DCTN4: variants seen among roughly 807,000 people sequenced by gnomAD.
DCTN4 encodes the protein dynactin subunit 4, also known as dynactin 4 (p62).
Under a neutral mutation model 62.7 loss-of-function variants are expected in DCTN4, and 23 were observed. That is an observed-to-expected ratio of 0.37 (90% CI 0.26 to 0.52). The LOEUF is 0.52. Ranked by LOEUF, DCTN4 falls within the 20% of genes least tolerant of loss-of-function variation. The probability of loss-of-function intolerance (pLI) is 0.92; values close to 1 mark genes in which losing one functional copy is unlikely to be tolerated. For missense variants in DCTN4, 514 were observed against 580.4 expected (o/e 0.89, Z 1.18); for synonymous variants, 199 against 202.1 (o/e 0.98, Z 0.13).
intron 2 of DCTN4, among the ~76,000 whole-genome samples, chr5:150,754,365 A>G (rs779805405): frequency 4.6e-5 from 7 of 152,232 alleles, no homozygotes; most frequent in Non-Finnish European, 1.0e-4. Context: ...GAAGATAATA[A>G]TAGTACTCAC....
Position 150,732,294 on chromosome 5 carries a change from C to T in DCTN4, c.538-805G>A, listed in dbSNP as rs373992371. 1.1e-4 allele frequency among the ~76,000 whole-genome samples: 16 copies of T among 152,254 alleles called. No individual in the cohort carries two copies. In the East Asian group the frequency reaches 2.1e-3, roughly 20 times the overall value. Reference sequence around the variant, plus strand: ...CCTCCCAAGTAGCTGAGATTATAGGCGTGCGCCACCATGCCCAGCTAATTT... The same window carrying T: ...CCTCCCAAGTAGCTGAGATTATAGGTGTGCGCCACCATGCCCAGCTAATTT... On this transcript the variant is annotated intron_variant, in intron 5 of 12. Coordinates refer to ENST00000447998, the MANE Select transcript of DCTN4 (RefSeq NM_016221.4).
chr5:150,728,658 A>T (rs1760242514), intron 8 of DCTN4, among the ~76,000 whole-genome samples: 1 of 152,172 alleles, frequency 6.6e-6, no homozygotes, highest in South Asian at 2.1e-4. Context: ...TTTTAAAAAA[A>T]TTAGTGTTTG....
At chr5:150,730,992 A>G in intron 7 of DCTN4, 52 bp downstream of exon 7, 2 of 1,147,638 alleles carry the variant, frequency 1.7e-6, no homozygotes, top group East Asian at 2.3e-5. Flanking sequence ...TAAATAACAA[A>G]AACAGAATTA....
chr5:150,717,310 C>T (rs1232416986), intron 11 of DCTN4, among the ~76,000 whole-genome samples: 2 of 152,152 alleles, frequency 1.3e-5, no homozygotes, highest in Non-Finnish European at 2.9e-5. Context: ...AGTGCAGTGG[C>T]GCGATCTCAG....
chr5:150,718,259 A>G lies in DCTN4; in HGVS notation c.1071+17T>C, dbSNP rs1422406753. ...GGGAAAGTGCGGGTCAGTCAGGCTGAGGCAAAATGCTCCTACCTTAGCAGT... is the reference window on the plus strand; with the variant it reads ...GGGAAAGTGCGGGTCAGTCAGGCTGGGGCAAAATGCTCCTACCTTAGCAGT... On this transcript the variant is annotated intron_variant, in intron 11 of 12. Coordinates refer to ENST00000447998, the MANE Select transcript of DCTN4 (RefSeq NM_016221.4). The G allele has an allele frequency of 6.3e-7, 1 of 1,588,786 alleles. No homozygotes were observed. Among genetic ancestry groups the G allele is most frequent in the Non-Finnish European group, 8.6e-7 (1 of 1,158,670 alleles).
intron 5 of DCTN4, among the ~76,000 whole-genome samples, 153 bp downstream of exon 5, chr5:150,733,215 A>G (rs1290073664): frequency 6.6e-6 from 1 of 152,232 alleles, no homozygotes; most frequent in African/African-American, 2.4e-5. Context: ...ATATAGCAAA[A>G]GCCTAACTAT....
intron 11 of DCTN4, among the ~76,000 whole-genome samples, chr5:150,717,372 C>T (rs1440577074): frequency 6.6e-6 from 1 of 152,182 alleles, no homozygotes; most frequent in African/African-American, 2.4e-5. Context: ...ATCTCAGCCT[C>T]CCCAGTAGCT....
intron 3 of DCTN4, among the ~76,000 whole-genome samples, chr5:150,752,229 A>G (rs944797650): frequency 6.6e-6 from 1 of 152,168 alleles, no homozygotes; most frequent in Non-Finnish European, 1.5e-5. Flanking sequence ...AACTGACTGT[A>G]CAGAGAATGT....
intron 8 of DCTN4, among the ~76,000 whole-genome samples, chr5:150,725,027 G>A (rs550836715): frequency 1.3e-5 from 2 of 151,690 alleles, no homozygotes; most frequent in Non-Finnish European, 3.0e-5. Context: ...GCGTAGTGGC[G>A]GGCGCCTGTA....
chr5:150,725,951 G>A (rs1261536903), intron 8 of DCTN4, among the ~76,000 whole-genome samples: 3 of 151,802 alleles, frequency 2.0e-5, no homozygotes, highest in Non-Finnish European at 4.4e-5. Flanking sequence ...TGCCCAGGCC[G>A]GAGTACAATG....
chr5:150,713,819 C>CA (rs1759659241), intron 12 of DCTN4, among the ~76,000 whole-genome samples: 1 of 151,200 alleles, frequency 6.6e-6, no homozygotes. Context: ...ATCATTCTGT[C>CA]AAAAAACCGT....
Position 150,738,942 on chromosome 5 carries a change from C to T in DCTN4, c.429+3172G>A, listed in dbSNP as rs1039488363. Among the ~76,000 whole-genome samples the T allele has an allele frequency of 1.1e-4, 17 of 152,088 alleles. No individual in the cohort carries two copies. The East Asian group carries it at 1.2e-3, about 10-fold the overall frequency. ...GGCACAGTGGCTCATGCCTGTAACCCGAACACTTTGGGAGGCCGAGGTGGA... is the reference window on the plus strand; with the variant it reads ...GGCACAGTGGCTCATGCCTGTAACCTGAACACTTTGGGAGGCCGAGGTGGA... On this transcript the variant is annotated intron_variant, in intron 4 of 12. Transcript: ENST00000447998.
intron 11 of DCTN4, among the ~76,000 whole-genome samples, chr5:150,717,729 G>A (rs1424744893): frequency 6.6e-6 from 1 of 152,228 alleles, no homozygotes; most frequent in African/African-American, 2.4e-5. Context: ...GTCAGGATAG[G>A]AAGGAGGCAT....
intron 5 of DCTN4, among the ~76,000 whole-genome samples, chr5:150,732,445 C>A (rs1195100760): frequency 6.6e-6 from 1 of 152,220 alleles, no homozygotes; most frequent in East Asian, 1.9e-4. Context: ...GCCACTGCAC[C>A]CAGCTTAATC....
In DCTN4 at chr5:150,710,594, A is replaced by C. The variant is rs1437537543; in HGVS notation, c.*555T>G. 6.5e-6 allele frequency: 1 copy of C among 154,592 alleles called. No individual in the cohort carries two copies. Among genetic ancestry groups the C allele is most frequent in the Admixed American group, 6.3e-5 (1 of 15,832 alleles). The allele number at this position is 154,592 out of a possible 1,614,324, so 9.6% of individuals were successfully genotyped here. ...CCAATCATCATGATACTAAAGATAA[A>C]GTGACAATTCAGTTTTTCAGTTATA... On this transcript the variant is annotated 3_prime_UTR_variant, in exon 13 of 13. Transcript: ENST00000447998.
chr5:150,711,050 C>G lies in DCTN4; in HGVS notation c.*99G>C. On this transcript the variant is annotated 3_prime_UTR_variant, in exon 13 of 13. Transcript: ENST00000447998. ...AATAGAATTCCGTAGTGCATGGGTA[C>G]ATCGTTATAAACAAGGCCTAATGAA... 1 of 1,156,904 alleles carries G rather than the reference C, an allele frequency of 8.6e-7. No individual in the cohort carries two copies. The highest frequency in any genetic ancestry group is 1.3e-6 in the Non-Finnish European group (1 of 795,274). The allele number at this position is 1,156,904 out of a possible 1,614,324, so 71.7% of individuals were successfully genotyped here.
At chr5:150,744,677 A>T (rs1561706097) in intron 3 of DCTN4, among the ~76,000 whole-genome samples, 1 of 151,834 alleles carries the variant, frequency 6.6e-6, no homozygotes, top group Non-Finnish European at 1.5e-5. Flanking sequence ...AGAATTTCAT[A>T]TCCAGCCAAA....
At chr5:150,725,651 C>A (rs565977293) in intron 8 of DCTN4, among the ~76,000 whole-genome samples, 232 of 152,094 alleles carry the variant, frequency 1.5e-3, no homozygotes, top group Non-Finnish European at 3.0e-3. Context: ...TAAGCACAGC[C>A]TTAGTTGTAT....
chr5:150,755,429 C>G (rs1752823119), intron 2 of DCTN4: 3 of 421,394 alleles, frequency 7.1e-6, no homozygotes, highest in South Asian at 5.1e-5. Flanking sequence ...GTGGAGAAAC[C>G]TGACAAACAC....
Sources: allele counts gnomAD v4.1 joint callset (sites outside exome capture counted in the v4.1 genomes callset), GRCh38; gene constraint gnomAD v4.1.1; transcripts MANE v1.5; gene names NCBI Gene and HGNC (gene_info 2026-07-23, HGNC 2026-07-21).